KCNJ6: variants seen among roughly 807,000 people sequenced by gnomAD.
The protein encoded by KCNJ6 is G protein-activated inward rectifier potassium channel 2.
In KCNJ6, 9 loss-of-function variants were observed where a neutral mutation model predicts 34.2. That is an observed-to-expected ratio of 0.26 (90% CI 0.16 to 0.46). The LOEUF (loss-of-function observed/expected upper bound fraction) is 0.46, where lower values mean the gene tolerates loss of function less well. Ranked by LOEUF, KCNJ6 falls within the 20% of genes least tolerant of loss-of-function variation. The pLI is 1.00. For synonymous variants in KCNJ6, 196 were observed against 207.1 expected (o/e 0.95, Z 0.46); for missense variants, 236 against 531.3 (o/e 0.44, Z 5.46).
At position 37,695,932 on chromosome 21, in the gene KCNJ6, C is replaced by A. The variant is rs2054661518; in HGVS notation, c.946+18279G>T. 6.6e-6 allele frequency among the ~76,000 whole-genome samples: 1 copy of A among 152,170 alleles called. No individual in the cohort carries two copies. Among genetic ancestry groups the A allele is most frequent in the African/African-American group, 2.4e-5 (1 of 41,430 alleles). ...TGATTATGTTCAAAGGGCAAAGAGC[C>A]ACTAGAAAGGGATCCCACTGGCCAG... On this transcript the variant is annotated intron_variant, in intron 3 of 3. Transcript: ENST00000609713. The surrounding 1 kb of genome is among the most constrained non-coding windows in gnomAD (Gnocchi z 4.2).
At chr21:37,836,760 G>T (rs908539509) in intron 2 of KCNJ6, among the ~76,000 whole-genome samples, 4 of 151,952 alleles carry the variant, frequency 2.6e-5, no homozygotes, top group Admixed American at 2.0e-4. Context: ...GCCAGAGGAG[G>T]GATAACATTA....
Position 37,613,422 on chromosome 21 carries a change from C to T in KCNJ6, c.*11737G>A, listed in dbSNP as rs74276345. The stretch of plus-strand genomic sequence containing the variant: ...ATATAGCTTTAACATATCATATTTA[C>T]CCAAATGAATTGAAAACTTATGTCC... On this transcript the variant is annotated 3_prime_UTR_variant, in exon 4 of 4. Transcript: ENST00000609713. 3,051 of 153,022 alleles carry T rather than the reference C, an allele frequency of 0.02. 71 individuals carry two copies. The highest frequency in any genetic ancestry group is 0.072 in the East Asian group (371 of 5,182). The allele number at this position is 153,022 out of a possible 1,614,324, so 9.5% of individuals were successfully genotyped here.
At chr21:37,758,885 C>T (rs2055045571) in intron 2 of KCNJ6, among the ~76,000 whole-genome samples, 1 of 152,198 alleles carries the variant, frequency 6.6e-6, no homozygotes, top group Non-Finnish European at 1.5e-5. Context: ...CCTGCCTTGG[C>T]CTCCCAAAGT....
chr21:37,891,641 A>G (rs1237312334), intron 1 of KCNJ6, among the ~76,000 whole-genome samples: 1 of 123,894 alleles, frequency 8.1e-6, no homozygotes, highest in African/African-American at 2.9e-5. Flanking sequence ...AGGCTTTCTT[A>G]GACCCAGCTG....
chr21:37,825,491 C>T (rs2055394491), intron 2 of KCNJ6, among the ~76,000 whole-genome samples: 1 of 152,162 alleles, frequency 6.6e-6, no homozygotes, highest in African/African-American at 2.4e-5. Flanking sequence ...TTGTCTAGCA[C>T]TCAATACCTC....
At position 37,808,617 on chromosome 21, in the gene KCNJ6, C is replaced by T. The variant is rs372724570; in HGVS notation, c.25+32041G>A. ...ATGTTCTGCTTTAGGCCCTAGATAT[C>T]TAAGATGTTAGAACAGAAAGATTCA... is the stretch of plus-strand genomic sequence containing the variant. On this transcript the variant is annotated intron_variant, in intron 2 of 3. Transcript: ENST00000609713. Among the ~76,000 whole-genome samples the T allele has an allele frequency of 1.2e-4, 18 of 152,288 alleles. No homozygotes were observed. In the South Asian group the frequency reaches 3.7e-3, roughly 32 times the overall value.
intron 1 of KCNJ6, among the ~76,000 whole-genome samples, chr21:37,870,875 G>T (rs1205466855): frequency 6.6e-6 from 1 of 152,114 alleles, no homozygotes; most frequent in Non-Finnish European, 1.5e-5. Flanking sequence ...CTGTAGCTTG[G>T]CCTGACTACT....
At chr21:37,707,735 G>GTGTGTATGTGTGC (rs1267356647) in intron 3 of KCNJ6, among the ~76,000 whole-genome samples, 1 of 149,680 alleles carries the variant, frequency 6.7e-6, no homozygotes, top group African/African-American at 2.5e-5. Flanking sequence ...GTGTGTGTGT[G>GTGTGTATGTGTGC]AATAATTTAC....
intron 2 of KCNJ6, among the ~76,000 whole-genome samples, chr21:37,772,284 ATAT>A (rs1218489652): frequency 2.0e-5 from 3 of 152,210 alleles, no homozygotes; most frequent in African/African-American, 7.2e-5. Flanking sequence ...TTGGTTGCAC[ATAT>A]TATTATGTTT....
chr21:37,853,752 G>A (rs2123593535), intron 1 of KCNJ6, among the ~76,000 whole-genome samples: 1 of 150,136 alleles, frequency 6.7e-6, no homozygotes, highest in East Asian at 2.0e-4. Flanking sequence ...TTTAAATAGG[G>A]GAAGGGAAAC....
chr21:37,766,956 C>T (rs1282030506), intron 2 of KCNJ6, among the ~76,000 whole-genome samples: 1 of 152,138 alleles, frequency 6.6e-6, no homozygotes, highest in African/African-American at 2.4e-5. Context: ...AGTTTCATTC[C>T]CAAACCACCC....
At chr21:37,709,314 C>T (rs889811986) in intron 3 of KCNJ6, among the ~76,000 whole-genome samples, 1 of 151,964 alleles carries the variant, frequency 6.6e-6, no homozygotes, top group Non-Finnish European at 1.5e-5. Context: ...GAGTTCCAGA[C>T]CAGCCTGACC....
chr21:37,849,772 C>G (rs1020523281), intron 1 of KCNJ6, among the ~76,000 whole-genome samples: 4 of 152,196 alleles, frequency 2.6e-5, no homozygotes, highest in Admixed American at 2.6e-4. Context: ...CCCTCTGCAC[C>G]TTAGCAACTG....
chr21:37,663,992 A>T (rs1011671596), intron 3 of KCNJ6, among the ~76,000 whole-genome samples: 6 of 152,370 alleles, frequency 3.9e-5, no homozygotes, highest in Admixed American at 2.0e-4. Flanking sequence ...TATAAGTCCC[A>T]AAGAAACTAT....
chr21:37,656,110 C>T (rs541061583), intron 3 of KCNJ6, among the ~76,000 whole-genome samples: 4 of 152,126 alleles, frequency 2.6e-5, no homozygotes, highest in South Asian at 4.1e-4. Flanking sequence ...TGCCTGGACT[C>T]AGCGTGATGC....
At chr21:37,809,335 T>C (rs1026059966) in intron 2 of KCNJ6, among the ~76,000 whole-genome samples, 4 of 145,168 alleles carry the variant, frequency 2.8e-5, no homozygotes, top group Admixed American at 1.4e-4. Context: ...TGAGAACACA[T>C]GGACACAGGA....
intron 3 of KCNJ6, among the ~76,000 whole-genome samples, chr21:37,677,771 T>TCCATCCATCCATCCATCCATCCACCCAC: frequency 7.1e-5 from 1 of 14,118 alleles, no homozygotes; most frequent in African/African-American, 3.4e-4. Context: ...AAACCATTTG[T>TCCATCCATCCATCCATCCATCCACCCAC]CCATCCATCC....
chr21:37,711,839 A>G (rs1190548603), intron 3 of KCNJ6, among the ~76,000 whole-genome samples: 1 of 149,880 alleles, frequency 6.7e-6, no homozygotes, highest in Non-Finnish European at 1.5e-5. Context: ...ATTTTTTAAA[A>G]GAAAATGAGT....
chr21:37,636,093 G>A (rs1467781315), intron 3 of KCNJ6, among the ~76,000 whole-genome samples: 2 of 152,174 alleles, frequency 1.3e-5, no homozygotes, highest in Admixed American at 1.3e-4. Context: ...CTGAGGGAGA[G>A]GATGGACACC....
Sources: gnomAD v4.1 joint callset for allele counts (sites outside exome capture counted in the v4.1 genomes callset) on GRCh38, gnomAD v4.1.1 for gene constraint, Gnocchi (gnomAD v3.1) non-coding constraint, MANE v1.5 for transcripts, NCBI Gene and HGNC (gene_info 2026-07-23, HGNC 2026-07-21) for gene names.